The following DDX42 variants were observed in gnomAD, a reference collection of about 807,000 sequenced individuals.
The protein encoded by DDX42 is DEAD-box helicase 42, also known as ATP-dependent RNA helicase DDX42.
In DDX42, 22 loss-of-function variants were observed where a neutral mutation model predicts 101.5. The observed-to-expected ratio is 0.22, with a 90% confidence interval of 0.15 to 0.31. The LOEUF (loss-of-function observed/expected upper bound fraction) is 0.31. Among genes scored for constraint, DDX42 ranks in the 10% least tolerant of loss-of-function variants. The pLI, the probability that DDX42 is intolerant of heterozygous loss-of-function variation, is 1.00. For synonymous variants in DDX42, 402 were observed against 401.2 expected, an observed-to-expected ratio of 1.00 and a Z score of -0.02; for missense variants, 849 against 1,199.9, an observed-to-expected ratio of 0.71 and a Z score of 4.32.
intron 3 of DDX42, among the ~76,000 whole-genome samples, chr17:63,793,073 G>A (rs2039648586): frequency 6.6e-6 from 1 of 151,770 alleles, no homozygotes. Flanking sequence ...TCATCTTTCT[G>A]TTTTCTGTTT....
At chr17:63,801,319 C>T (rs1438064725) in intron 6 of DDX42, among the ~76,000 whole-genome samples, 12 of 151,580 alleles carry the variant, frequency 7.9e-5, no homozygotes, top group East Asian at 2.0e-4. Flanking sequence ...CCTCCCAAAG[C>T]GCTGGGATTA....
intron 16 of DDX42, among the ~76,000 whole-genome samples, chr17:63,816,247 A>G (rs2039975622): frequency 6.6e-6 from 1 of 152,182 alleles, no homozygotes; most frequent in Admixed American, 6.5e-5. Context: ...GAAAGCTGCC[A>G]GTATACTTTT....
At chr17:63,800,759 C>T in intron 6 of DDX42, 142 bp downstream of exon 6, 1 of 982,906 alleles carries the variant, frequency 1.0e-6, no homozygotes, top group Non-Finnish European at 1.4e-6. Context: ...GGTTGAGCCA[C>T]AAATTCCATG....
intron 3 of DDX42, 51 bp from the exon 4 acceptor site, chr17:63,797,983 GTTTC>G (rs1312288084): frequency 3.3e-6 from 5 of 1,520,086 alleles, no homozygotes; most frequent in Admixed American, 2.0e-5. Context: ...TCTAAAAATT[GTTTC>G]TTTCAGTGTT....
At chr17:63,814,335 TAA>T (rs1394085319) in intron 15 of DDX42, among the ~76,000 whole-genome samples, 3 of 152,304 alleles carry the variant, frequency 2.0e-5, no homozygotes, top group Non-Finnish European at 4.4e-5. Flanking sequence ...CAGAAACTGT[TAA>T]GAGTTTGTCA....
intron 1 of DDX42, among the ~76,000 whole-genome samples, chr17:63,781,338 C>T (rs553260580): frequency 7.5e-4 from 114 of 152,246 alleles, no homozygotes; most frequent in Admixed American, 1.8e-3. Context: ...CTGCCTCAGC[C>T]TCCTGAGTAG....
chr17:63,788,215 TA>T (rs1348731855), intron 2 of DDX42, among the ~76,000 whole-genome samples: 2 of 149,736 alleles, frequency 1.3e-5, no homozygotes, highest in African/African-American at 2.5e-5. Flanking sequence ...TGGTGGTCTT[TA>T]CTGCAGTCTT....
Position 63,812,088 on chromosome 17 carries a change from A to C in DDX42, c.1555A>C (p.Lys519Gln), listed in dbSNP as rs753747374. The C allele has an allele frequency of 6.2e-7, 1 of 1,614,254 alleles. No individual in the cohort carries two copies. Among genetic ancestry groups the C allele is most frequent in the Admixed American group, 1.7e-5 (1 of 60,030 alleles). Reference sequence around the variant, plus strand: ...TGCTGAAGAGCTAGCGAATAACCTTAAACAGGAGGGTCATAATCTTGGGCT... The same window carrying C: ...TGCTGAAGAGCTAGCGAATAACCTTCAACAGGAGGGTCATAATCTTGGGCT... ...ANAEELANNLKQEGHNLGLLH... is the reference protein window; with the variant it reads ...ANAEELANNLQQEGHNLGLLH... Residue 519 changes from lysine to glutamine, a missense_variant, in exon 14 of 18, where the codon AAA becomes CAA. By Grantham distance (53) the Lys-to-Gln change is moderately conservative (BLOSUM62 1). Coordinates refer to ENST00000389924, the MANE Select transcript of DDX42 (RefSeq NM_203499.3).
intron 10 of DDX42, 143 bp from the exon 11 acceptor site, chr17:63,809,417 T>G (rs2039882529): frequency 4.8e-6 from 3 of 626,548 alleles, no homozygotes; most frequent in Non-Finnish European, 5.6e-6. Flanking sequence ...AGCTAAGTAG[T>G]GCATAAGGTA....
intron 1 of DDX42, among the ~76,000 whole-genome samples, chr17:63,785,802 C>G (rs1218506410): frequency 6.6e-6 from 1 of 152,270 alleles, no homozygotes; most frequent in East Asian, 1.9e-4. Flanking sequence ...TCAATAAATA[C>G]ATGGTTCATA....
chr17:63,815,835 T>TA, intron 16 of DDX42, 162 bp downstream of exon 16: 1 of 397,678 alleles, frequency 2.5e-6, no homozygotes, highest in Non-Finnish European at 4.5e-6. Flanking sequence ...TGCTCATTCT[T>TA]ATGGTAACTT....
At chr17:63,806,902 T>C (rs1486562752) in intron 8 of DDX42, among the ~76,000 whole-genome samples, 1 of 152,206 alleles carries the variant, frequency 6.6e-6, no homozygotes, top group Non-Finnish European at 1.5e-5. Context: ...AAGGTTCGTA[T>C]ATAGACAAAT....
At chr17:63,774,035 ACTGC>A (rs1354971528), upstream of DDX42, 1 of 217,178 alleles carries the variant, frequency 4.6e-6, no homozygotes, top group Admixed American at 5.9e-5. Context: ...TGTCCACCCA[ACTGC>A]AGTTTCCCGT....
At chr17:63,803,061 T>C (rs2039792170) in intron 6 of DDX42, among the ~76,000 whole-genome samples, 1 of 152,200 alleles carries the variant, frequency 6.6e-6, no homozygotes, top group Non-Finnish European at 1.5e-5. Context: ...TATAATGAAA[T>C]GTGTTAACAT....
intron 1 of DDX42, among the ~76,000 whole-genome samples, chr17:63,777,900 C>T (rs2039440099): frequency 6.6e-6 from 1 of 152,156 alleles, no homozygotes; most frequent in South Asian, 2.1e-4. Flanking sequence ...AGAGGATTCA[C>T]TAGAGTGCTT....
intron 8 of DDX42, among the ~76,000 whole-genome samples, chr17:63,807,297 C>T (rs2039854616): frequency 6.6e-6 from 1 of 152,198 alleles, no homozygotes; most frequent in African/African-American, 2.4e-5. Flanking sequence ...CACGCCAGCA[C>T]ACCTGGCTAA....
chr17:63,795,266 C>G (rs2039679466), intron 3 of DDX42, among the ~76,000 whole-genome samples: 1 of 152,208 alleles, frequency 6.6e-6, no homozygotes, highest in South Asian at 2.1e-4. Flanking sequence ...CATGCTTTTC[C>G]TTGCTCACCA....
intron 1 of DDX42, among the ~76,000 whole-genome samples, chr17:63,778,376 A>T (rs2039446458): frequency 6.6e-6 from 1 of 152,230 alleles, no homozygotes. Context: ...GTCAAATGTC[A>T]TTCATCTCAG....
At chr17:63,781,033 A>G (rs2039481549) in intron 1 of DDX42, among the ~76,000 whole-genome samples, 1 of 152,040 alleles carries the variant, frequency 6.6e-6, no homozygotes, top group African/African-American at 2.4e-5. Flanking sequence ...TCTGTAGGTA[A>G]TGCTTCACTT....
Sources: gnomAD v4.1 joint callset for allele counts (sites outside exome capture counted in the v4.1 genomes callset) on GRCh38, gnomAD v4.1.1 for gene constraint, MANE v1.5 for transcripts, NCBI Gene and HGNC (gene_info 2026-07-23, HGNC 2026-07-21) for gene names.